Variants in CREB1 observed in about 807,000 individuals in gnomAD.
CREB1 encodes the protein cyclic AMP-responsive element-binding protein 1.
A neutral mutation model predicts 42.0 loss-of-function variants in CREB1; 2 were observed. The observed-to-expected ratio is 0.05, with a 90% CI of 0.02 to 0.15. CREB1 has a LOEUF of 0.15. CREB1 is among the 10% of genes least tolerant of loss of function. The pLI, the probability that CREB1 is intolerant of heterozygous loss-of-function variation, is 1.00. For missense variants in CREB1, 199 were observed against 388.9 expected (o/e 0.51, Z 4.11); for synonymous variants, 123 against 139.9 (o/e 0.88, Z 0.85).
chr2:207,553,604 T>G (rs1317816676), intron 1 of CREB1, among the ~76,000 whole-genome samples: 1 of 152,204 alleles, frequency 6.6e-6, no homozygotes, highest in Non-Finnish European at 1.5e-5. Context: ...AAAAAGTATC[T>G]GGTGTTTAAA....
intron 6 of CREB1, 51 bp from the exon 7 acceptor site, chr2:207,577,454 G>T: frequency 6.3e-7 from 1 of 1,592,558 alleles, no homozygotes; most frequent in South Asian, 1.1e-5. Context: ...ACACATAATT[G>T]AATCAAGTTG....
intron 7 of CREB1, chr2:207,581,400 C>A (rs369806806): frequency 2.5e-5 from 5 of 201,320 alleles, no homozygotes; most frequent in Non-Finnish European, 5.1e-5. Context: ...AAGATGTTCT[C>A]GGACAAAAGC....
At chr2:207,532,818 C>T (rs2080704334) in intron 1 of CREB1, among the ~76,000 whole-genome samples, 1 of 151,766 alleles carries the variant, frequency 6.6e-6, no homozygotes, top group East Asian at 1.9e-4. Flanking sequence ...GTGGGCTGGT[C>T]TCGGCTCACT....
chr2:207,586,176 T>C (rs2083802320), intron 7 of CREB1, among the ~76,000 whole-genome samples: 2 of 152,168 alleles, frequency 1.3e-5, no homozygotes, highest in South Asian at 4.1e-4. Context: ...GGCATCACAC[T>C]ACCTGACTTC....
intron 1 of CREB1, among the ~76,000 whole-genome samples, chr2:207,540,332 T>G (rs1447806437): frequency 3.3e-5 from 5 of 151,916 alleles, no homozygotes; most frequent in Non-Finnish European, 5.9e-5. Flanking sequence ...CGTGTGAATG[T>G]CTTTTTAACA....
rs140321931 is a variant in CREB1 at position 207,540,606 on chromosome 2, G to C, written c.-9+10472G>C. Among the ~76,000 whole-genome samples the C allele has an allele frequency of 5.1e-3, 706 of 138,898 alleles. 1 individual carries two copies. The highest frequency in any genetic ancestry group is 0.01 in the Admixed American group (127 of 12,476). 91.1% of individuals were successfully genotyped at this position (138,898 alleles called of 152,430 possible). A position where few individuals can be genotyped will look rare whatever the true frequency, so the allele number is the denominator to read the frequency against. ...GCTGATACTGTGCCACTGCACTCCAGCCTGGGTGACATAGTGAGACCCTGT... is the reference window on the plus strand; with the variant it reads ...GCTGATACTGTGCCACTGCACTCCACCCTGGGTGACATAGTGAGACCCTGT... On this transcript the variant is annotated intron_variant, in intron 1 of 7. Coordinates refer to ENST00000353267, the MANE Select transcript of CREB1 (RefSeq NM_004379.5).
chr2:207,563,880 GT>G (rs1234969598), intron 3 of CREB1, among the ~76,000 whole-genome samples: 2 of 152,130 alleles, frequency 1.3e-5, no homozygotes, highest in African/African-American at 2.4e-5. Context: ...GGAGACGGAG[GT>G]TGCGGTGAAC....
chr2:207,535,561 T>C (rs934822677), intron 1 of CREB1, among the ~76,000 whole-genome samples: 1 of 152,118 alleles, frequency 6.6e-6, no homozygotes, highest in Non-Finnish European at 1.5e-5. Context: ...TATTTCTTAA[T>C]GTAATTATGT....
chr2:207,549,084 A>G (rs1307423173), intron 1 of CREB1, among the ~76,000 whole-genome samples: 1 of 152,174 alleles, frequency 6.6e-6, no homozygotes, highest in Non-Finnish European at 1.5e-5. Flanking sequence ...ATTTATTTTC[A>G]TTTATCACAT....
At chr2:207,579,950 C>A (rs912154304) in intron 7 of CREB1, among the ~76,000 whole-genome samples, 1 of 152,206 alleles carries the variant, frequency 6.6e-6, no homozygotes. Context: ...TTTCTGGCTA[C>A]TTTTCAAATT....
chr2:207,587,078 A>C (rs1356755239), intron 7 of CREB1, among the ~76,000 whole-genome samples: 2 of 152,180 alleles, frequency 1.3e-5, no homozygotes, highest in East Asian at 3.8e-4. Context: ...CCATTACGGA[A>C]AACGGTGTGG....
intron 7 of CREB1, among the ~76,000 whole-genome samples, chr2:207,593,547 G>T (rs2085489737): frequency 1.3e-5 from 2 of 152,036 alleles, no homozygotes; most frequent in Admixed American, 1.3e-4. Flanking sequence ...AAAAATAGAA[G>T]CAAATGCTAC....
chr2:207,601,584 C>T lies in CREB1; in HGVS notation c.*4526C>T, dbSNP rs1460187680. ...TCAATTTTTAATGAGACTTTATCCTCATCACAACATTAATACTGTACATAG... is the reference window on the plus strand; with the variant it reads ...TCAATTTTTAATGAGACTTTATCCTTATCACAACATTAATACTGTACATAG... On this transcript the variant is annotated 3_prime_UTR_variant, in exon 8 of 8. Coordinates refer to ENST00000353267, the MANE Select transcript of CREB1 (RefSeq NM_004379.5). 4.9e-6 allele frequency: 1 copy of T among 205,710 alleles called. No individual in the cohort carries two copies. The highest frequency in any genetic ancestry group is 2.3e-5 in the African/African-American group (1 of 43,840). 12.7% of individuals were successfully genotyped at this position (205,710 alleles called of 1,614,324 possible). A position where few individuals can be genotyped will look rare whatever the true frequency, so the allele number is the denominator to read the frequency against.
chr2:207,553,928 AT>A (rs1484238619), intron 1 of CREB1, among the ~76,000 whole-genome samples: 1 of 151,822 alleles, frequency 6.6e-6, no homozygotes, highest in Non-Finnish European at 1.5e-5. Flanking sequence ...TTTTAAAAAA[AT>A]AAATGGGGCT....
rs533287453 is a variant in CREB1 at position 207,577,591 on chromosome 2, G to A, written c.775G>A (p.Ala259Thr). Residue 259 changes from alanine (A) to threonine (T), a missense_variant, in exon 7 of 8, where the codon GCA (alanine) becomes ACA (threonine). Ala to Thr is a moderately conservative substitution (Grantham distance 58). Coordinates refer to ENST00000353267, the MANE Select transcript of CREB1 (RefSeq NM_004379.5). ...TGGAGTTGTTATGGCATCCTCCCCAGCACTTCCTACACAGCCTGCTGAAGA... is the reference window on the plus strand; with the variant it reads ...TGGAGTTGTTATGGCATCCTCCCCAACACTTCCTACACAGCCTGCTGAAGA... ...APGVVMASSPALPTQPAEEAA... is the reference protein window; with the variant it reads ...APGVVMASSPTLPTQPAEEAA... 2.6e-5 allele frequency: 42 copies of A among 1,613,958 alleles called. No individual in the cohort carries two copies. In the African/African-American group the frequency reaches 4.8e-4, roughly 18 times the overall value.
At chr2:207,569,114 C>G (rs1341658314) in intron 4 of CREB1, among the ~76,000 whole-genome samples, 1 of 152,144 alleles carries the variant, frequency 6.6e-6, no homozygotes, top group Non-Finnish European at 1.5e-5. Flanking sequence ...ATAGTTGATT[C>G]AACCACTTGC....
chr2:207,583,753 G>A (rs2083342331), intron 7 of CREB1, among the ~76,000 whole-genome samples: 1 of 152,080 alleles, frequency 6.6e-6, no homozygotes, highest in Non-Finnish European at 1.5e-5. Flanking sequence ...TCATGTATCT[G>A]TCACCACAAT....
chr2:207,581,802 GT>G, intron 7 of CREB1: 1 of 698,702 alleles, frequency 1.4e-6, no homozygotes, highest in Non-Finnish European at 2.6e-6. Context: ...ACATAATCCA[GT>G]TTGGGTACCA....
intron 7 of CREB1, among the ~76,000 whole-genome samples, chr2:207,595,498 G>A (rs559496582): frequency 6.6e-6 from 1 of 151,748 alleles, no homozygotes; most frequent in South Asian, 2.1e-4. Flanking sequence ...ATGGCTCACT[G>A]CAGCCTCGAC....
Sources: gnomAD v4.1 joint callset for allele counts (sites outside exome capture counted in the v4.1 genomes callset) on GRCh38, gnomAD v4.1.1 for gene constraint, MANE v1.5 for transcripts, NCBI Gene and HGNC (gene_info 2026-07-23, HGNC 2026-07-21) for gene names.